The following CPA6 variants were observed in gnomAD, a reference collection of about 807,000 sequenced individuals.
The protein encoded by CPA6 is carboxypeptidase B.
In CPA6, 58 loss-of-function variants were observed where a neutral mutation model predicts 63.3. The ratio of observed to expected loss-of-function variants is 0.92; its 90% CI spans 0.74 to 1.14. The LOEUF is 1.14. Among genes scored for constraint, CPA6 ranks in the 50% most tolerant of loss-of-function variants. The pLI, the probability that CPA6 is intolerant of heterozygous loss-of-function variation, is 0.00. For missense variants in CPA6, 565 were observed against 526.6 expected (o/e 1.07, Z -0.71); for synonymous variants, 185 against 179.0 (o/e 1.03, Z -0.27).
At chr8:67,528,033 T>TC (rs1812401556) in intron 2 of CPA6, among the ~76,000 whole-genome samples, 3 of 151,990 alleles carry the variant, frequency 2.0e-5, no homozygotes, top group Admixed American at 2.0e-4. Flanking sequence ...CTCCCCCACC[T>TC]CCCCCAACAT....
chr8:67,573,962 T>C (rs1813557246), intron 2 of CPA6, among the ~76,000 whole-genome samples: 1 of 135,116 alleles, frequency 7.4e-6, no homozygotes, highest in Non-Finnish European at 1.6e-5. Context: ...AATTAAAACA[T>C]ATTCTGTGTG....
At chr8:67,614,182 A>C (rs1587635456) in intron 2 of CPA6, among the ~76,000 whole-genome samples, 1 of 152,184 alleles carries the variant, frequency 6.6e-6, no homozygotes, top group African/African-American at 2.4e-5. Flanking sequence ...TAACTCCTAG[A>C]CACTACCATG....
At chr8:67,674,235 G>C (rs1816419231) in intron 1 of CPA6, among the ~76,000 whole-genome samples, 1 of 152,200 alleles carries the variant, frequency 6.6e-6, no homozygotes, top group African/African-American at 2.4e-5. Context: ...TAGGAGTCAG[G>C]CTGTACTGCA....
chr8:67,522,829 C>T (rs1393831942), intron 2 of CPA6, among the ~76,000 whole-genome samples: 2 of 152,170 alleles, frequency 1.3e-5, no homozygotes, highest in Non-Finnish European at 2.9e-5. Context: ...AGTGGGCAGG[C>T]GTGGGATCCA....
In CPA6 at chr8:67,509,499, G is replaced by T; in HGVS notation, c.534+18C>A. 2.7e-6 allele frequency: 3 copies of T among 1,126,588 alleles called. No individual in the cohort carries two copies. Among genetic ancestry groups the T allele is most frequent in the African/African-American group, 1.5e-5 (1 of 64,692 alleles). The allele number at this position is 1,126,588 out of a possible 1,614,324, so 69.8% of individuals were successfully genotyped here. A position where few individuals can be genotyped will look rare whatever the true frequency, so the allele number is the denominator to read the frequency against. On this transcript the variant is annotated intron_variant, in intron 5 of 10. Transcript: ENST00000297770. ...TTGGTAAACATTATGTATTTACACA[G>T]CAATTGCTTATTTTTACCTTTAAAA...
chr8:67,537,819 C>T (rs1404290874), intron 2 of CPA6, among the ~76,000 whole-genome samples: 1 of 152,156 alleles, frequency 6.6e-6, no homozygotes, highest in Non-Finnish European at 1.5e-5. Flanking sequence ...CTCTTATGGA[C>T]ATTAGTGTTA....
intron 1 of CPA6, among the ~76,000 whole-genome samples, chr8:67,663,861 A>G (rs1187168482): frequency 6.6e-6 from 1 of 152,148 alleles, no homozygotes; most frequent in Non-Finnish European, 1.5e-5. Context: ...CCTCCAACAT[A>G]ATGTTTTGTG....
chr8:67,486,871 A>AT lies in CPA6; in HGVS notation c.637-2083dup, dbSNP rs200244030. Among the ~76,000 whole-genome samples the AT allele has an allele frequency of 0.012, 1,761 of 143,830 alleles. 82 individuals are homozygous for AT. In the East Asian group the frequency reaches 0.18, roughly 14 times the overall value. 94.4% of individuals were successfully genotyped at this position (143,830 alleles called of 152,430 possible). On this transcript the variant is annotated intron_variant, in intron 6 of 10. Transcript: ENST00000297770. The stretch of plus-strand genomic sequence containing the variant: ...ACATTTTGTTGTTGTTGACTTAACA[A>AT]TTTTTTTTTTTTTTGGAGACGTCTT...
chr8:67,446,412 A>T (rs891273556), intron 8 of CPA6, among the ~76,000 whole-genome samples: 1 of 152,116 alleles, frequency 6.6e-6, no homozygotes, highest in Non-Finnish European at 1.5e-5. Flanking sequence ...GGTATGAGTC[A>T]TCATGCCTAG....
intron 2 of CPA6, among the ~76,000 whole-genome samples, chr8:67,568,831 ACCT>A (rs1275716157): frequency 1.3e-5 from 2 of 152,072 alleles, no homozygotes; most frequent in Non-Finnish European, 2.9e-5. Context: ...GCTCACTGCA[ACCT>A]CCGCCTCCCG....
chr8:67,735,399 T>C (rs904282626), intron 1 of CPA6: 1 of 152,220 alleles, frequency 6.6e-6, no homozygotes, highest in African/African-American at 2.4e-5. Context: ...ACTGGGAAGA[T>C]GGATGAGGAG....
At chr8:67,429,233 A>T (rs761228104) in intron 9 of CPA6, among the ~76,000 whole-genome samples, 1 of 152,214 alleles carries the variant, frequency 6.6e-6, no homozygotes, top group Non-Finnish European at 1.5e-5. Context: ...AACACAATCG[A>T]AATACTAAAA....
At chr8:67,694,472 C>A (rs979623969) in intron 1 of CPA6, among the ~76,000 whole-genome samples, 4 of 152,264 alleles carry the variant, frequency 2.6e-5, no homozygotes, top group Non-Finnish European at 5.9e-5. Context: ...TCTGACCCAC[C>A]AAGCCGTAAA....
intron 1 of CPA6, among the ~76,000 whole-genome samples, chr8:67,700,951 T>C (rs2128998685): frequency 6.6e-6 from 1 of 152,212 alleles, no homozygotes; most frequent in East Asian, 1.9e-4. Context: ...GATATGACAA[T>C]GGCTGGGAAT....
chr8:67,591,238 G>C (rs543607146), intron 2 of CPA6, among the ~76,000 whole-genome samples: 1 of 152,118 alleles, frequency 6.6e-6, no homozygotes, highest in Non-Finnish European at 1.5e-5. Flanking sequence ...GTGTTCCATT[G>C]ATCTATATCT....
intron 2 of CPA6, among the ~76,000 whole-genome samples, chr8:67,604,568 C>T (rs1370907765): frequency 6.6e-6 from 1 of 152,190 alleles, no homozygotes; most frequent in African/African-American, 2.4e-5. Context: ...TCTCTCTCCA[C>T]CACAATATGA....
intron 2 of CPA6, among the ~76,000 whole-genome samples, chr8:67,583,704 G>A (rs1034566102): frequency 6.6e-6 from 1 of 152,118 alleles, no homozygotes; most frequent in African/African-American, 2.4e-5. Flanking sequence ...TGAGGAATCC[G>A]GCGAAGATGC....
At chr8:67,718,768 T>C (rs1817433835) in intron 1 of CPA6, among the ~76,000 whole-genome samples, 2 of 151,648 alleles carry the variant, frequency 1.3e-5, no homozygotes, top group Non-Finnish European at 2.9e-5. Context: ...TCCCTCAGCC[T>C]CCTGAGTAGC....
chr8:67,445,791 G>A (rs778796397), intron 8 of CPA6, among the ~76,000 whole-genome samples: 1 of 152,084 alleles, frequency 6.6e-6, no homozygotes, highest in Non-Finnish European at 1.5e-5. Context: ...ATTGCAATCT[G>A]TTGTCTCTCT....
Sources: allele counts gnomAD v4.1 joint callset (sites outside exome capture counted in the v4.1 genomes callset), GRCh38; gene constraint gnomAD v4.1.1; transcripts MANE v1.5; gene names NCBI Gene and HGNC (gene_info 2026-07-23, HGNC 2026-07-21).